The following LEMD3 variants were observed in gnomAD, a reference collection of about 807,000 sequenced individuals.
LEMD3 encodes LEM domain containing 3.
LEMD3 carries 33 observed loss-of-function variants against 95.2 expected under a neutral mutation model. The observed-to-expected ratio is 0.35, with a 90% CI of 0.26 to 0.46. The LOEUF (loss-of-function observed/expected upper bound fraction) is 0.46, where lower values mean the gene tolerates loss of function less well. Among genes scored for constraint, LEMD3 ranks in the 20% least tolerant of loss-of-function variants. LEMD3 has a pLI of 1.00. For missense variants in LEMD3, 1,210 were observed against 1,192.8 expected (o/e 1.01, Z -0.21); for synonymous variants, 525 against 474.6 (o/e 1.11, Z -1.38).
chr12:65,187,908 G>A (rs1416886339), intron 1 of LEMD3, among the ~76,000 whole-genome samples: 1 of 152,096 alleles, frequency 6.6e-6, no homozygotes, highest in Non-Finnish European at 1.5e-5. Context: ...TTGTTGAACA[G>A]ACCTTAACAA....
In LEMD3 at chr12:65,170,747, G is replaced by A; in HGVS notation, c.1151G>A (p.Gly384Asp). ...DMDSTLDSSTGSLLKTNNHIG... is the reference protein window; with the variant it reads ...DMDSTLDSSTDSLLKTNNHIG... ...GACTCAACCTTGGATTCGTCAACAG[G>A]CTCCCTTCTGAAAACCAATAATCAT... Residue 384 changes from glycine (G) to aspartate (D), a missense_variant, in exon 1 of 13, where the codon GGC becomes GAC. Coordinates refer to ENST00000308330, the MANE Select transcript of LEMD3 (RefSeq NM_014319.5). 1.2e-6 allele frequency: 2 copies of A among 1,614,196 alleles called. No individual in the cohort carries two copies. The highest frequency in any genetic ancestry group is 1.7e-6 in the Non-Finnish European group (2 of 1,180,048).
chr12:65,186,494 C>A (rs1029288378), intron 1 of LEMD3, among the ~76,000 whole-genome samples: 1 of 151,610 alleles, frequency 6.6e-6, no homozygotes, highest in Non-Finnish European at 1.5e-5. Flanking sequence ...TTAAAAAATT[C>A]TAATATTTGG....
At chr12:65,193,437 A>G (rs373384484) in intron 1 of LEMD3, among the ~76,000 whole-genome samples, 1 of 152,040 alleles carries the variant, frequency 6.6e-6, no homozygotes, top group East Asian at 1.9e-4. Context: ...GGGCCAGCCT[A>G]TGCAGTGTGT....
At chr12:65,213,437 G>C (rs1190124095) in intron 2 of LEMD3, among the ~76,000 whole-genome samples, 2 of 152,058 alleles carry the variant, frequency 1.3e-5, no homozygotes, top group African/African-American at 2.4e-5. Context: ...ACATTGCCCA[G>C]GCTGGTCTCA....
chr12:65,196,007 T>A (rs1869419532), intron 1 of LEMD3, among the ~76,000 whole-genome samples: 1 of 152,074 alleles, frequency 6.6e-6, no homozygotes, highest in African/African-American at 2.4e-5. Flanking sequence ...GGTTTTCCTT[T>A]GGGACAGAGA....
chr12:65,238,055 G>A (rs536455581), intron 4 of LEMD3, among the ~76,000 whole-genome samples: 1 of 152,160 alleles, frequency 6.6e-6, no homozygotes, highest in Admixed American at 6.5e-5. Context: ...GATCACTTGA[G>A]GTCAGGAGTT....
chr12:65,228,216 A>G (rs1196307793), intron 4 of LEMD3, among the ~76,000 whole-genome samples: 1 of 152,152 alleles, frequency 6.6e-6, no homozygotes, highest in Non-Finnish European at 1.5e-5. Flanking sequence ...GGTAAGTCAA[A>G]GTCTAAGCCA....
At chr12:65,197,352 C>G (rs145136943) in intron 1 of LEMD3, among the ~76,000 whole-genome samples, 1 of 152,116 alleles carries the variant, frequency 6.6e-6, no homozygotes, top group Non-Finnish European at 1.5e-5. Context: ...TGTATATTCT[C>G]TCACTCCACT....
rs1486726256 is a variant in LEMD3, at chr12:65,247,067, T to TA, written c.*743dup. 6.6e-6 allele frequency: 1 copy of TA among 152,540 alleles called. No homozygotes were observed. Among genetic ancestry groups the TA allele is most frequent in the African/African-American group, 2.4e-5 (1 of 41,436 alleles). The allele number at this position is 152,540 out of a possible 1,614,324, so 9.4% of individuals were successfully genotyped here. ...ATGTATATATATACACACACAGAGA[T>TA]ATATACATATGGCTGTACTTTTGCA... is the stretch of plus-strand genomic sequence containing the variant. On this transcript the variant is annotated 3_prime_UTR_variant, in exon 13 of 13. Coordinates refer to ENST00000308330, the MANE Select transcript of LEMD3 (RefSeq NM_014319.5).
chr12:65,186,476 A>G (rs1869067166), intron 1 of LEMD3, among the ~76,000 whole-genome samples: 1 of 152,022 alleles, frequency 6.6e-6, no homozygotes, highest in Non-Finnish European at 1.5e-5. Context: ...GAAAATATTC[A>G]GTACCTTTTA....
intron 1 of LEMD3, among the ~76,000 whole-genome samples, chr12:65,207,025 C>T (rs1274576504): frequency 6.6e-6 from 1 of 152,040 alleles, no homozygotes. Context: ...CTCAAGGAAG[C>T]AACTTAACCT....
intron 4 of LEMD3, among the ~76,000 whole-genome samples, chr12:65,235,793 G>A (rs899364250): frequency 1.3e-5 from 2 of 151,904 alleles, no homozygotes; most frequent in African/African-American, 4.8e-5. Context: ...ATTTTTTTAA[G>A]CAGATAGCTG....
intron 1 of LEMD3, among the ~76,000 whole-genome samples, chr12:65,204,684 G>A (rs1314746094): frequency 2.6e-5 from 4 of 151,866 alleles, no homozygotes; most frequent in Admixed American, 2.6e-4. Context: ...TATTCCTTTG[G>A]GTATATTCAG....
chr12:65,193,360 C>T (rs1869304502), intron 1 of LEMD3, among the ~76,000 whole-genome samples: 1 of 152,094 alleles, frequency 6.6e-6, no homozygotes, highest in Non-Finnish European at 1.5e-5. Flanking sequence ...TCTTGCATCC[C>T]TTTTCCCATG....
chr12:65,203,223 G>C (rs916490527), intron 1 of LEMD3, among the ~76,000 whole-genome samples: 21 of 152,032 alleles, frequency 1.4e-4, no homozygotes, highest in Non-Finnish European at 1.0e-4. Flanking sequence ...TCAGGCCTTG[G>C]CAATGATCTT....
chr12:65,194,669 C>T (rs943720350), intron 1 of LEMD3, among the ~76,000 whole-genome samples: 5 of 151,880 alleles, frequency 3.3e-5, no homozygotes, highest in South Asian at 2.1e-4. Context: ...ATCTTGTGAT[C>T]GCCAGGATAA....
In LEMD3 at chr12:65,169,964, G is replaced by A. The variant is rs1868464706; in HGVS notation, c.368G>A (p.Gly123Glu). 1.4e-6 allele frequency: 2 copies of A among 1,463,300 alleles called. No individual in the cohort carries two copies. Among genetic ancestry groups the A allele is most frequent in the African/African-American group, 3.0e-5 (2 of 67,440 alleles). The allele number at this position is 1,463,300 out of a possible 1,614,324, so 90.6% of individuals were successfully genotyped here. ...SGPESLLGGP[G>E]GASAAPAAGS... ...CCAGAGAGCCTCCTGGGAGGGCCCG[G>A]GGGCGCCTCCGCCGCCCCCGCGGCT... Residue 123 changes from glycine to glutamate, a missense_variant, in exon 1 of 13, where the codon GGG (glycine) becomes GAG (glutamate). This residue lies in a region of LEMD3 where 749 missense variants were observed against 622.9 expected (regional missense o/e 1.20). Transcript: ENST00000308330.
rs752732536 is a variant in LEMD3 at position 65,241,018 on chromosome 12, C to T, written c.2236C>T (p.Arg746Trp). ...RIGGADFLVW[R>W]WIQPSASCDK... ...AGGTGGTGCAGATTTTCTGGTTTGG[C>T]GGTGGATCCAGCCTTCTGCATCCTG... Residue 746 changes from arginine (R) to tryptophan (W), a missense_variant, in exon 9 of 13, where the codon CGG becomes TGG. Physicochemically the swap from Arg to Trp is moderately radical, Grantham distance 101 (BLOSUM62 -3). Transcript: ENST00000308330. 1.9e-6 allele frequency: 3 copies of T among 1,613,918 alleles called. No individual in the cohort carries two copies. The highest frequency in any genetic ancestry group is 4.5e-5 in the East Asian group (2 of 44,866).
intron 1 of LEMD3, among the ~76,000 whole-genome samples, chr12:65,175,870 C>A (rs1868704131): frequency 6.6e-6 from 1 of 152,100 alleles, no homozygotes; most frequent in Non-Finnish European, 1.5e-5. Context: ...TTTTGCTCCT[C>A]CTCCCTGTTT....
Sources: allele counts gnomAD v4.1 joint callset (sites outside exome capture counted in the v4.1 genomes callset), GRCh38; gene constraint gnomAD v4.1.1; regional missense constraint gnomAD v4.1.1; transcripts MANE v1.5; gene names NCBI Gene and HGNC (gene_info 2026-07-23, HGNC 2026-07-21).